The following ATXN7L1 variants were observed in gnomAD, a reference collection of about 807,000 sequenced individuals.
ATXN7L1 encodes ataxin 7 like 1, also known as ataxin-7-like protein 1.
ATXN7L1 carries 15 observed loss-of-function variants against 70.8 expected under a neutral mutation model. The ratio of observed to expected loss-of-function variants is 0.21; its 90% CI spans 0.14 to 0.33. The LOEUF (loss-of-function observed/expected upper bound fraction) is 0.33. Among genes scored for constraint, ATXN7L1 ranks in the 10% least tolerant of loss-of-function variants. The pLI, the probability that ATXN7L1 is intolerant of heterozygous loss-of-function variation, is 1.00. For synonymous variants in ATXN7L1, 440 were observed against 445.1 expected, an observed-to-expected ratio of 0.99 and a Z score of 0.14; for missense variants, 975 against 1,097.1, an observed-to-expected ratio of 0.89 and a Z score of 1.57.
chr7:105,648,264 T>C lies in ATXN7L1; in HGVS notation c.579-5143A>G, dbSNP rs531631016. On this transcript the variant is annotated intron_variant, in intron 4 of 11. Transcript: ENST00000419735. The stretch of plus-strand genomic sequence containing the variant: ...GAGAAGAACCTAGAGCTGTCCCTGA[T>C]ACTTTTTTCTTTGGTGTCCCTTCTC... 2.2e-4 allele frequency among the ~76,000 whole-genome samples: 33 copies of C among 152,322 alleles called. No homozygotes were observed. The East Asian group carries it at 4.8e-3, about 22-fold the overall frequency.
chr7:105,607,808 A>C lies in ATXN7L1; in HGVS notation c.*44T>G. 1 of 1,518,540 alleles carries C rather than the reference A, an allele frequency of 6.6e-7. No homozygotes were observed. The highest frequency in any genetic ancestry group is 9.0e-7 in the Non-Finnish European group (1 of 1,116,712). 94.1% of individuals were successfully genotyped at this position (1,518,540 alleles called of 1,614,324 possible). A position where few individuals can be genotyped will look rare whatever the true frequency, so the allele number is the denominator to read the frequency against. ...CCTCCCCATGGCCTCCTCGGATGGG[A>C]TTAGGTGGCCTGGAATTGATGTGGA... is the stretch of plus-strand genomic sequence containing the variant. On this transcript the variant is annotated 3_prime_UTR_variant, in exon 12 of 12. Transcript: ENST00000419735.
At position 105,753,079 on chromosome 7, in the gene ATXN7L1, T is replaced by G. The variant is rs571091465; in HGVS notation, c.355+35525A>C. Among the ~76,000 whole-genome samples, 3 of 152,384 alleles carry G rather than the reference T, an allele frequency of 2.0e-5. No homozygotes were observed. The East Asian group carries it at 5.8e-4, about 29-fold the overall frequency. ...GTCAGTGAACACTTAACCACTGTGA[T>G]GTGAGCCACAGAGCTGGTGAGAGCC... On this transcript the variant is annotated intron_variant, in intron 3 of 11. Transcript: ENST00000419735.
intron 2 of ATXN7L1, among the ~76,000 whole-genome samples, chr7:105,825,021 C>A (rs185572285): frequency 6.6e-6 from 1 of 152,116 alleles, no homozygotes; most frequent in African/African-American, 2.4e-5. Context: ...ATCCTAAAAG[C>A]TTTCAGAGAA....
chr7:105,773,907 T>A (rs759876010), intron 3 of ATXN7L1, among the ~76,000 whole-genome samples: 19 of 152,132 alleles, frequency 1.2e-4, no homozygotes, highest in Non-Finnish European at 1.8e-4. Context: ...GGACCGTAGT[T>A]CTTCAGCCTG....
intron 2 of ATXN7L1, among the ~76,000 whole-genome samples, chr7:105,830,299 C>A (rs1190582039): frequency 6.6e-6 from 1 of 152,234 alleles, no homozygotes; most frequent in African/African-American, 2.4e-5. Flanking sequence ...CTCGGCTTTG[C>A]CTTAAGATTT....
chr7:105,754,991 T>G (rs1223694924), intron 3 of ATXN7L1, among the ~76,000 whole-genome samples: 1 of 152,126 alleles, frequency 6.6e-6, no homozygotes, highest in Non-Finnish European at 1.5e-5. Flanking sequence ...TGTGTTTTAG[T>G]GGGATTCCAG....
chr7:105,859,395 A>T (rs1816221278), intron 2 of ATXN7L1, among the ~76,000 whole-genome samples: 1 of 152,192 alleles, frequency 6.6e-6, no homozygotes, highest in Non-Finnish European at 1.5e-5. Flanking sequence ...ATATAAATAT[A>T]TATATATACA....
At chr7:105,728,007 T>A (rs1445083629) in intron 3 of ATXN7L1, among the ~76,000 whole-genome samples, 1 of 151,816 alleles carries the variant, frequency 6.6e-6, no homozygotes, top group African/African-American at 2.4e-5. Flanking sequence ...AAATTATTTT[T>A]AAAAACCCAA....
At chr7:105,843,851 A>G (rs1220022785) in intron 2 of ATXN7L1, among the ~76,000 whole-genome samples, 1 of 152,226 alleles carries the variant, frequency 6.6e-6, no homozygotes, top group East Asian at 1.9e-4. Flanking sequence ...CTGTGTAAAA[A>G]GCTACCCCAA....
rs1273584354 is a variant in ATXN7L1 at position 105,639,455 on chromosome 7, G to A, written c.945+32C>T. 6 of 1,514,606 alleles carry A rather than the reference G, an allele frequency of 4.0e-6. No individual in the cohort carries two copies. In the South Asian group the frequency reaches 7.2e-5, roughly 18 times the overall value. 93.8% of individuals were successfully genotyped at this position (1,514,606 alleles called of 1,614,324 possible). A position where few individuals can be genotyped will look rare whatever the true frequency, so the allele number is the denominator to read the frequency against. On this transcript the variant is annotated intron_variant, in intron 6 of 11. Coordinates refer to ENST00000419735, the MANE Select transcript of ATXN7L1 (RefSeq NM_020725.2). ...CATTTCGACAAAGGCCCCAGCGAGA[G>A]CAGGAAGTATTTTTTATGGAAAGAG... is the stretch of plus-strand genomic sequence containing the variant.
At chr7:105,832,914 A>T (rs4292623) in intron 2 of ATXN7L1, among the ~76,000 whole-genome samples, 19,080 of 152,128 alleles carry the variant, frequency 0.13, 1,544 homozygotes, top group East Asian at 0.22. Context: ...AACCACATCC[A>T]TTACTATCCC....
At position 105,872,840 on chromosome 7, in the gene ATXN7L1, C is replaced by T. The variant is rs1268022908; in HGVS notation, c.250+2972G>A. Among the ~76,000 whole-genome samples, 16 of 136,358 alleles carry T rather than the reference C, an allele frequency of 1.2e-4. No individual in the cohort carries two copies. In the East Asian group the frequency reaches 3.1e-3, roughly 27 times the overall value. 89.5% of individuals were successfully genotyped at this position (136,358 alleles called of 152,430 possible). A position where few individuals can be genotyped will look rare whatever the true frequency, so the allele number is the denominator to read the frequency against. On this transcript the variant is annotated intron_variant, in intron 2 of 11. Coordinates refer to ENST00000419735, the MANE Select transcript of ATXN7L1 (RefSeq NM_020725.2). Reference sequence around the variant, plus strand: ...ATTTTATGCTATGTATATTTTACCACAAAAAAAAAAAAACATCAAAATCGG... The same window carrying T: ...ATTTTATGCTATGTATATTTTACCATAAAAAAAAAAAAACATCAAAATCGG...
intron 3 of ATXN7L1, among the ~76,000 whole-genome samples, chr7:105,690,902 C>T (rs531235408): frequency 5.3e-5 from 8 of 152,218 alleles, no homozygotes; most frequent in Non-Finnish European, 1.0e-4. Flanking sequence ...CTTACTCAAA[C>T]ATGCACACGG....
At chr7:105,757,691 T>C (rs1207097861) in intron 3 of ATXN7L1, among the ~76,000 whole-genome samples, 3 of 149,612 alleles carry the variant, frequency 2.0e-5, no homozygotes, top group Non-Finnish European at 3.0e-5. Context: ...GGAGCGATCC[T>C]CCCACCTCAG....
chr7:105,649,303 T>G, intron 4 of ATXN7L1: 25 of 907,300 alleles, frequency 2.8e-5, no homozygotes, highest in South Asian at 1.0e-4. Flanking sequence ...CTGGGAGTAG[T>G]TCTCTCCTCA....
intron 4 of ATXN7L1, among the ~76,000 whole-genome samples, chr7:105,651,478 G>C (rs1799824516): frequency 6.6e-6 from 1 of 152,158 alleles, no homozygotes; most frequent in Non-Finnish European, 1.5e-5. Flanking sequence ...TGCTTCCTTA[G>C]TCCCTTCTGG....
chr7:105,744,866 T>C (rs1444961976), intron 3 of ATXN7L1, among the ~76,000 whole-genome samples: 2 of 150,938 alleles, frequency 1.3e-5, no homozygotes, highest in Non-Finnish European at 2.9e-5. Context: ...GCCTCCCGAG[T>C]AGCTGGGATT....
At chr7:105,789,244 A>G (rs1486998030) in intron 2 of ATXN7L1, among the ~76,000 whole-genome samples, 2 of 152,234 alleles carry the variant, frequency 1.3e-5, no homozygotes, top group African/African-American at 4.8e-5. Flanking sequence ...TGCTGCCATC[A>G]TTACCCATTA....
intron 3 of ATXN7L1, among the ~76,000 whole-genome samples, chr7:105,730,712 A>G (rs1014027456): frequency 6.6e-6 from 1 of 152,074 alleles, no homozygotes; most frequent in African/African-American, 2.4e-5. Flanking sequence ...AGCCTGGGCA[A>G]CAGAGTGAGA....
Sources: gnomAD v4.1 joint callset for allele counts (sites outside exome capture counted in the v4.1 genomes callset) on GRCh38, gnomAD v4.1.1 for gene constraint, MANE v1.5 for transcripts, NCBI Gene and HGNC (gene_info 2026-07-23, HGNC 2026-07-21) for gene names.